KCNB2: variants seen among roughly 807,000 people sequenced by gnomAD.
KCNB2 encodes the protein potassium voltage-gated channel subfamily B member 2.
Under a neutral mutation model 61.5 loss-of-function variants are expected in KCNB2, and 15 were observed. The observed-to-expected ratio is 0.24, with a 90% CI of 0.16 to 0.38. KCNB2 has a LOEUF of 0.38. Among genes scored for constraint, KCNB2 ranks in the 10% least tolerant of loss-of-function variants. The pLI, the probability that KCNB2 is intolerant of heterozygous loss-of-function variation, is 1.00. For synonymous variants in KCNB2, 457 were observed against 446.0 expected (o/e 1.02, Z -0.31); for missense variants, 828 against 1,125.2 (o/e 0.74, Z 3.78).
At chr8:72,708,987 G>A (rs1283636522) in intron 2 of KCNB2, among the ~76,000 whole-genome samples, 1 of 152,104 alleles carries the variant, frequency 6.6e-6, no homozygotes, top group African/African-American at 2.4e-5. Flanking sequence ...CATGTAACTT[G>A]GCTATATATC....
intron 2 of KCNB2, among the ~76,000 whole-genome samples, chr8:72,730,250 C>T (rs756909985): frequency 8.5e-5 from 13 of 152,090 alleles, no homozygotes; most frequent in African/African-American, 1.9e-4. Flanking sequence ...GTTTTGCTTT[C>T]GATGCATCTC....
intron 2 of KCNB2, among the ~76,000 whole-genome samples, chr8:72,820,494 T>A (rs998339771): frequency 6.6e-6 from 1 of 152,146 alleles, no homozygotes; most frequent in African/African-American, 2.4e-5. Context: ...GCAAAACAGA[T>A]AGATAATTTG....
intron 2 of KCNB2, among the ~76,000 whole-genome samples, chr8:72,704,692 G>A (rs1807189947): frequency 6.6e-6 from 1 of 152,116 alleles, no homozygotes; most frequent in Non-Finnish European, 1.5e-5. Flanking sequence ...TGTCTTGAGT[G>A]ATCTCTTTAA....
chr8:72,773,343 G>T (rs890987432), intron 2 of KCNB2, among the ~76,000 whole-genome samples: 4 of 152,126 alleles, frequency 2.6e-5, no homozygotes, highest in African/African-American at 7.2e-5. Context: ...TTTTTTTAAG[G>T]TGGAAGAAAG....
At position 72,922,861 on chromosome 8, in the gene KCNB2, C is replaced by A. The variant is rs149535193; in HGVS notation, c.580-13074C>A. 3.4e-3 allele frequency among the ~76,000 whole-genome samples: 518 copies of A among 152,296 alleles called. 2 individuals carry two copies. The highest frequency in any genetic ancestry group is 0.012 in the African/African-American group (496 of 41,554). On this transcript the variant is annotated intron_variant, in intron 2 of 2. Transcript: ENST00000523207. ...TTATTTTGTCAAGGTTAAGGACATG[C>A]CCATGGCACAGCCTCAGGAGGTCCT...
At chr8:72,867,640 T>G in intron 2 of KCNB2, among the ~76,000 whole-genome samples, 1 of 152,324 alleles carries the variant, frequency 6.6e-6, no homozygotes, top group African/African-American at 2.4e-5. Context: ...TGAATATAAC[T>G]AGTGAGTTGA....
At chr8:72,726,451 C>T (rs998330428) in intron 2 of KCNB2, among the ~76,000 whole-genome samples, 2 of 152,174 alleles carry the variant, frequency 1.3e-5, no homozygotes, top group African/African-American at 4.8e-5. Flanking sequence ...ATAGTAAATA[C>T]ATACATAGAT....
rs142819918 is a variant in KCNB2, at chr8:72,659,553, G to C, written c.579+91240G>C. On this transcript the variant is annotated intron_variant, in intron 2 of 2. Transcript: ENST00000523207. ...TGGATAAAATGCTATCAACAGCATT[G>C]CATGCTACAGAGATGCACATTGAAA... Among the ~76,000 whole-genome samples the C allele has an allele frequency of 3.7e-3, 566 of 152,326 alleles. 3 individuals carry two copies. Among genetic ancestry groups the C allele is most frequent in the African/African-American group, 0.013 (540 of 41,570 alleles).
intron 2 of KCNB2, among the ~76,000 whole-genome samples, chr8:72,644,001 G>A (rs1408350445): frequency 6.6e-6 from 1 of 152,136 alleles, no homozygotes; most frequent in Non-Finnish European, 1.5e-5. Flanking sequence ...ATAGTGCTTT[G>A]CAACATCTGG....
intron 2 of KCNB2, chr8:72,660,812 T>C (rs1806367848): frequency 6.6e-6 from 1 of 152,192 alleles, no homozygotes; most frequent in African/African-American, 2.4e-5. Context: ...AAACTTGTTA[T>C]TTATTGGATA....
At chr8:72,729,083 C>T (rs1807699046) in intron 2 of KCNB2, among the ~76,000 whole-genome samples, 1 of 152,150 alleles carries the variant, frequency 6.6e-6, no homozygotes, top group South Asian at 2.1e-4. Flanking sequence ...AACTTGGGAT[C>T]ACTATTTAGT....
intron 1 of KCNB2, among the ~76,000 whole-genome samples, chr8:72,539,073 A>G (rs936512465): frequency 2.0e-5 from 3 of 151,308 alleles, no homozygotes; most frequent in Admixed American, 6.6e-5. Flanking sequence ...CTTTAGGGGC[A>G]TGTGTGTGTG....
chr8:72,776,648 A>G (rs149240714), intron 2 of KCNB2, among the ~76,000 whole-genome samples: 149 of 152,236 alleles, frequency 9.8e-4, no homozygotes, highest in African/African-American at 3.3e-3. Context: ...TAGGGACTTG[A>G]GGGCTAGGCC....
intron 2 of KCNB2, among the ~76,000 whole-genome samples, chr8:72,678,044 C>T (rs974427166): frequency 2.6e-5 from 4 of 152,276 alleles, no homozygotes; most frequent in African/African-American, 4.8e-5. Flanking sequence ...ACTGGTTCTT[C>T]CTCAGTTTAA....
At chr8:72,724,763 A>G (rs1180325506) in intron 2 of KCNB2, among the ~76,000 whole-genome samples, 8 of 152,200 alleles carry the variant, frequency 5.3e-5, no homozygotes, top group Admixed American at 5.2e-4. Context: ...TCTACCAGAT[A>G]CGGCAGTTGT....
chr8:72,752,122 A>G (rs1343858556), intron 2 of KCNB2, among the ~76,000 whole-genome samples: 2 of 152,206 alleles, frequency 1.3e-5, no homozygotes, highest in Non-Finnish European at 2.9e-5. Context: ...GCCAGGTGGT[A>G]TCATTTGCCA....
chr8:72,815,419 T>G (rs1263508464), intron 2 of KCNB2, among the ~76,000 whole-genome samples: 2 of 152,206 alleles, frequency 1.3e-5, no homozygotes, highest in Admixed American at 6.5e-5. Context: ...AACATGTGCT[T>G]TCTCCTGTAG....
rs530385634 is a variant in KCNB2, at chr8:72,930,089, C to T, written c.580-5846C>T. 1.5e-3 allele frequency among the ~76,000 whole-genome samples: 226 copies of T among 151,674 alleles called. 2 individuals carry two copies. Among genetic ancestry groups the T allele is most frequent in the Non-Finnish European group, 2.6e-3 (175 of 67,906 alleles). On this transcript the variant is annotated intron_variant, in intron 2 of 2. Transcript: ENST00000523207. ...CTTACAATAGTTTGCTGAGAATGATCGTTTCCAGCTTCTTTCATGTCCCTA... is the reference window on the plus strand; with the variant it reads ...CTTACAATAGTTTGCTGAGAATGATTGTTTCCAGCTTCTTTCATGTCCCTA...
chr8:72,676,703 T>G (rs1244431551), intron 2 of KCNB2, among the ~76,000 whole-genome samples: 1 of 152,142 alleles, frequency 6.6e-6, no homozygotes, highest in Non-Finnish European at 1.5e-5. Flanking sequence ...TAGCCAGTAT[T>G]CAGCAGAGGT....
Sources: gnomAD v4.1 joint callset for allele counts (sites outside exome capture counted in the v4.1 genomes callset) on GRCh38, gnomAD v4.1.1 for gene constraint, MANE v1.5 for transcripts, NCBI Gene and HGNC (gene_info 2026-07-23, HGNC 2026-07-21) for gene names.